The following CACNA2D3 variants were observed in gnomAD, a reference collection of about 807,000 sequenced individuals.
CACNA2D3 encodes the protein voltage-dependent calcium channel subunit alpha-2/delta-3.
A neutral mutation model predicts 160.6 loss-of-function variants in CACNA2D3; 60 were observed. The ratio of observed to expected loss-of-function variants is 0.37; its 90% CI spans 0.30 to 0.46. The LOEUF (loss-of-function observed/expected upper bound fraction) is 0.46, where lower values mean the gene tolerates loss of function less well. CACNA2D3 is among the 20% of genes least tolerant of loss of function. The pLI is 1.00. For missense variants in CACNA2D3, 1,205 were observed against 1,365.0 expected, an observed-to-expected ratio of 0.88 and a Z score of 1.85; for synonymous variants, 558 against 492.9, an observed-to-expected ratio of 1.13 and a Z score of -1.75.
intron 11 of CACNA2D3, among the ~76,000 whole-genome samples, chr3:54,712,909 A>G (rs1700979744): frequency 6.6e-6 from 1 of 152,174 alleles, no homozygotes; most frequent in African/African-American, 2.4e-5. Flanking sequence ...CTGATTAGCA[A>G]TCTTAATTCC....
chr3:54,450,234 C>T (rs1160126001), intron 4 of CACNA2D3, among the ~76,000 whole-genome samples: 2 of 152,136 alleles, frequency 1.3e-5, no homozygotes, highest in Non-Finnish European at 2.9e-5. Flanking sequence ...CGATAGAATT[C>T]ACATTCACAG....
At chr3:54,347,810 C>T (rs370145319) in intron 3 of CACNA2D3, among the ~76,000 whole-genome samples, 11 of 152,204 alleles carry the variant, frequency 7.2e-5, no homozygotes, top group East Asian at 5.8e-4. Flanking sequence ...TGAGACCCAC[C>T]GTGCCTGTAT....
intron 11 of CACNA2D3, among the ~76,000 whole-genome samples, chr3:54,714,378 G>A (rs1045741974): frequency 2.0e-5 from 3 of 152,120 alleles, no homozygotes; most frequent in East Asian, 1.9e-4. Flanking sequence ...CTCTGGGGCC[G>A]GGGTATCCTT....
chr3:54,264,013 A>G (rs983170093), intron 2 of CACNA2D3, among the ~76,000 whole-genome samples: 8 of 152,152 alleles, frequency 5.3e-5, no homozygotes, highest in East Asian at 3.9e-4. Flanking sequence ...GTTGCCTTCT[A>G]TGTTACATCC....
chr3:54,138,400 G>A (rs1373242442), intron 2 of CACNA2D3, among the ~76,000 whole-genome samples: 1 of 152,192 alleles, frequency 6.6e-6, no homozygotes, highest in East Asian at 1.9e-4. Flanking sequence ...TGGGGTGAGC[G>A]GTGGTCCTCG....
At chr3:54,294,042 A>G (rs149324050) in intron 2 of CACNA2D3, among the ~76,000 whole-genome samples, 8 of 152,328 alleles carry the variant, frequency 5.3e-5, no homozygotes, top group Non-Finnish European at 8.8e-5. Context: ...ACTTGTTTAC[A>G]TTACGTTAAA....
chr3:54,912,444 C>G (rs1389950662), intron 27 of CACNA2D3, among the ~76,000 whole-genome samples: 1 of 152,092 alleles, frequency 6.6e-6, no homozygotes, highest in Non-Finnish European at 1.5e-5. Flanking sequence ...CCTTCTACTT[C>G]CCTTTTGCCC....
intron 31 of CACNA2D3, among the ~76,000 whole-genome samples, chr3:55,000,039 C>T (rs1013266433): frequency 2.0e-5 from 3 of 152,034 alleles, no homozygotes; most frequent in African/African-American, 4.8e-5. Context: ...GTTGGAGTAG[C>T]CTGGTGGTGA....
intron 12 of CACNA2D3, among the ~76,000 whole-genome samples, chr3:54,754,981 C>T (rs907966977): frequency 1.3e-5 from 2 of 152,184 alleles, no homozygotes; most frequent in African/African-American, 4.8e-5. Context: ...TCTGTTCCTT[C>T]TCAGTTTCTT....
intron 11 of CACNA2D3, among the ~76,000 whole-genome samples, chr3:54,715,544 A>C (rs1701037563): frequency 6.6e-6 from 1 of 151,898 alleles, no homozygotes; most frequent in Non-Finnish European, 1.5e-5. Flanking sequence ...GGAGGCCTGA[A>C]ATTTCCAGTC....
chr3:54,122,599 G>A lies in CACNA2D3; in HGVS notation c.-115G>A. ...TGAGCCGGGCGCGCGAGAGGCAGGCGGGGCGGCGCGGAGCGGAGCAGGCAG... is the reference window on the plus strand; with the variant it reads ...TGAGCCGGGCGCGCGAGAGGCAGGCAGGGCGGCGCGGAGCGGAGCAGGCAG... On this transcript the variant is annotated 5_prime_UTR_variant, in exon 1 of 38. Coordinates refer to ENST00000474759, the MANE Select transcript of CACNA2D3 (RefSeq NM_018398.3). The A allele has an allele frequency of 1.8e-6, 1 of 559,292 alleles. No individual in the cohort carries two copies. Among genetic ancestry groups the A allele is most frequent in the Non-Finnish European group, 2.2e-6 (1 of 445,922 alleles). 34.6% of individuals were successfully genotyped at this position (559,292 alleles called of 1,614,324 possible).
chr3:55,053,448 C>G (rs1704279922), intron 35 of CACNA2D3, among the ~76,000 whole-genome samples: 1 of 152,004 alleles, frequency 6.6e-6, no homozygotes, highest in Non-Finnish European at 1.5e-5. Context: ...AATGCTCATA[C>G]TCAAGCTTCC....
intron 11 of CACNA2D3, among the ~76,000 whole-genome samples, chr3:54,672,052 A>G (rs1438743845): frequency 6.6e-6 from 1 of 152,216 alleles, no homozygotes; most frequent in Non-Finnish European, 1.5e-5. Context: ...ATCAAGATCC[A>G]AGAACCAAAG....
intron 3 of CACNA2D3, among the ~76,000 whole-genome samples, chr3:54,379,601 CATT>C (rs893331290): frequency 6.6e-5 from 10 of 152,172 alleles, no homozygotes; most frequent in African/African-American, 2.4e-4. Context: ...GTCATCCAGT[CATT>C]GTTGTGGCCT....
chr3:55,021,384 C>G (rs891550448), intron 35 of CACNA2D3, among the ~76,000 whole-genome samples: 10 of 151,378 alleles, frequency 6.6e-5, no homozygotes, highest in Non-Finnish European at 1.3e-4. Context: ...CCTCTTGCTC[C>G]CTTTCCTCTT....
rs886505992 is a variant in CACNA2D3, at chr3:54,357,114, A to G, written c.322-29601A>G. 3.3e-5 allele frequency among the ~76,000 whole-genome samples: 5 copies of G among 151,948 alleles called. No individual in the cohort carries two copies. In the South Asian group the frequency reaches 1.0e-3, roughly 32 times the overall value. ...GTGTGATGTGATCAAGGTTATTGAC[A>G]CCCTAGTCTGTGCCACACTGTGAGC... is the stretch of plus-strand genomic sequence containing the variant. On this transcript the variant is annotated intron_variant, in intron 3 of 37. Coordinates refer to ENST00000474759, the MANE Select transcript of CACNA2D3 (RefSeq NM_018398.3).
intron 2 of CACNA2D3, among the ~76,000 whole-genome samples, chr3:54,229,790 T>C (rs528917383): frequency 1.3e-5 from 2 of 152,328 alleles, no homozygotes; most frequent in East Asian, 3.9e-4. Flanking sequence ...GCTTTTTATG[T>C]CATGCACCAA....
rs761198215 is a variant in CACNA2D3 at position 54,581,825 on chromosome 3, T to C, written c.911T>C (p.Val304Ala). 8.7e-6 allele frequency: 14 copies of C among 1,613,808 alleles called. No individual in the cohort carries two copies. Among genetic ancestry groups the C allele is most frequent in the Non-Finnish European group, 1.1e-5 (13 of 1,179,846 alleles). The stretch of plus-strand genomic sequence containing the variant: ...CAGTATAATGAGGAGCTTCACTATG[T>C]GGAACCTTGCCTGAATGGAACTTTG... The part of the protein sequence containing the change: ...IIAYNEELHY[V>A]EPCLNGTLVQ... The change falls in exon 9 of 38, where the codon GTG becomes GCG. Residue 304 changes from valine to alanine, a missense_variant. By Grantham distance (64) the Val-to-Ala change is moderately conservative (BLOSUM62 0). Transcript: ENST00000474759.
rs141213877 is a variant in CACNA2D3, at chr3:55,052,156, T to G, written c.2988-21289T>G. Among the ~76,000 whole-genome samples, 35 of 152,256 alleles carry G rather than the reference T, an allele frequency of 2.3e-4. No individual in the cohort carries two copies. In the East Asian group the frequency reaches 6.6e-3, roughly 29 times the overall value. On this transcript the variant is annotated intron_variant, in intron 35 of 37. Coordinates refer to ENST00000474759, the MANE Select transcript of CACNA2D3 (RefSeq NM_018398.3). ...CACACTTTTCATTAAATTCAAAATA[T>G]TTTCTCATTTTCCTTATGGCTTCCT... is the stretch of plus-strand genomic sequence containing the variant.
Sources: allele counts gnomAD v4.1 joint callset (sites outside exome capture counted in the v4.1 genomes callset), GRCh38; gene constraint gnomAD v4.1.1; transcripts MANE v1.5; gene names NCBI Gene and HGNC (gene_info 2026-07-23, HGNC 2026-07-21).